The following LIN7A variants were observed in gnomAD, a reference collection of about 807,000 sequenced individuals.
The protein encoded by LIN7A is protein lin-7 homolog A.
In LIN7A, 25 loss-of-function variants were observed where a neutral mutation model predicts 29.8. That is an observed-to-expected ratio of 0.84 (90% CI 0.61 to 1.17). The LOEUF (loss-of-function observed/expected upper bound fraction) is 1.17. LIN7A is among the 50% of genes most tolerant of loss of function. LIN7A has a pLI of 0.00. For synonymous variants in LIN7A, 118 were observed against 107.5 expected, an observed-to-expected ratio of 1.10 and a Z score of -0.60; for missense variants, 239 against 287.0, an observed-to-expected ratio of 0.83 and a Z score of 1.21.
intron 2 of LIN7A, among the ~76,000 whole-genome samples, chr12:80,875,518 G>T (rs569576126): frequency 3.9e-5 from 6 of 152,222 alleles, no homozygotes; most frequent in African/African-American, 1.4e-4. Context: ...TGAAAATTTG[G>T]CTCTAATTAC....
chr12:80,801,897 C>CTTTT (rs538377751), intron 5 of LIN7A, among the ~76,000 whole-genome samples: 145 of 138,646 alleles, frequency 1.0e-3, no homozygotes, highest in African/African-American at 3.7e-3. Flanking sequence ...ATGAGTCTAA[C>CTTTT]TTTTTTTTTT....
At chr12:80,884,189 T>C (rs1399428971) in intron 2 of LIN7A, among the ~76,000 whole-genome samples, 1 of 152,182 alleles carries the variant, frequency 6.6e-6, no homozygotes, top group African/African-American at 2.4e-5. Context: ...TTTTCAAAGA[T>C]GTATCACAGT....
At chr12:80,839,533 T>G (rs1460542227) in intron 4 of LIN7A, among the ~76,000 whole-genome samples, 1 of 152,246 alleles carries the variant, frequency 6.6e-6, no homozygotes, top group East Asian at 1.9e-4. Flanking sequence ...ACTGCCATCA[T>G]TGGAACATGC....
In LIN7A at chr12:80,793,069, C is replaced by T. The variant is rs180787406; in HGVS notation, c.*4658G>A. ...CATTCATTTTAATGTAATGGTGTCC[C>T]CCAAACCACAGATAATGATTAGACA... On this transcript the variant is annotated 3_prime_UTR_variant, in exon 6 of 6. Transcript: ENST00000552864. The T allele has an allele frequency of 6.6e-4, 100 of 152,116 alleles. No homozygotes were observed. The highest frequency in any genetic ancestry group is 2.3e-3 in the African/African-American group (97 of 41,472). The allele number at this position is 152,116 out of a possible 1,614,324, so 9.4% of individuals were successfully genotyped here.
chr12:80,806,711 A>G (rs759670930), intron 5 of LIN7A, among the ~76,000 whole-genome samples: 10 of 152,370 alleles, frequency 6.6e-5, no homozygotes, highest in Admixed American at 2.6e-4. Flanking sequence ...CTCAGAAGCA[A>G]CTGTAGTAAG....
At chr12:80,880,748 AACGC>A (rs1370202910) in intron 2 of LIN7A, among the ~76,000 whole-genome samples, 2 of 121,808 alleles carry the variant, frequency 1.6e-5, no homozygotes, top group East Asian at 5.8e-4. Flanking sequence ...GGGAGGAGGC[AACGC>A]ACACACACAC....
At position 80,803,459 on chromosome 12, in the gene LIN7A, G is replaced by A. The variant is rs532798859; in HGVS notation, c.*1-5733C>T. On this transcript the variant is annotated intron_variant, in intron 5 of 5. Transcript: ENST00000552864. Reference sequence around the variant, plus strand: ...TGTAAATATGTGGATTTATTTCTGGGTTCTCTAGCTTGTTCCATTGGTCTA... The same window carrying A: ...TGTAAATATGTGGATTTATTTCTGGATTCTCTAGCTTGTTCCATTGGTCTA... Among the ~76,000 whole-genome samples, 12 of 152,230 alleles carry A rather than the reference G, an allele frequency of 7.9e-5. No individual in the cohort carries two copies. The South Asian group carries it at 8.3e-4, about 11-fold the overall frequency.
chr12:80,900,074 T>C (rs1876131762), intron 1 of LIN7A, among the ~76,000 whole-genome samples: 1 of 152,170 alleles, frequency 6.6e-6, no homozygotes, highest in South Asian at 2.1e-4. Flanking sequence ...CATAGTACTC[T>C]CTGACGGGTT....
intron 2 of LIN7A, among the ~76,000 whole-genome samples, chr12:80,849,947 C>G (rs538712273): frequency 6.9e-4 from 105 of 152,206 alleles, no homozygotes; most frequent in African/African-American, 2.5e-3. Context: ...GTTAACATTG[C>G]CAGGGAAAGT....
At chr12:80,823,104 A>G (rs1175376077) in intron 4 of LIN7A, among the ~76,000 whole-genome samples, 1 of 152,184 alleles carries the variant, frequency 6.6e-6, no homozygotes, top group African/African-American at 2.4e-5. Flanking sequence ...TCTGTTGCTC[A>G]ATAAAGCACC....
chr12:80,801,605 T>A (rs531839521), intron 5 of LIN7A, among the ~76,000 whole-genome samples: 1 of 152,382 alleles, frequency 6.6e-6, no homozygotes, highest in East Asian at 1.9e-4. Flanking sequence ...AATTGATGTT[T>A]TGATATGTTT....
chr12:80,845,581 T>C, intron 4 of LIN7A, 149 bp downstream of exon 4: 1 of 545,024 alleles, frequency 1.8e-6, no homozygotes, highest in East Asian at 3.2e-5. Flanking sequence ...GCAGCTTTTA[T>C]AGGTTTAATA....
chr12:80,853,330 T>C (rs986426500), intron 2 of LIN7A, among the ~76,000 whole-genome samples: 1 of 121,658 alleles, frequency 8.2e-6, no homozygotes, highest in African/African-American at 2.8e-5. Context: ...CCTAAAATAA[T>C]AGTTAAAAAA....
intron 4 of LIN7A, among the ~76,000 whole-genome samples, chr12:80,844,243 A>C (rs958403385): frequency 1.3e-5 from 2 of 152,166 alleles, no homozygotes; most frequent in African/African-American, 4.8e-5. Context: ...CTAAAGGTCA[A>C]TAAAAAGCTT....
chr12:80,870,930 A>G (rs931786540), intron 2 of LIN7A, among the ~76,000 whole-genome samples: 7 of 152,364 alleles, frequency 4.6e-5, no homozygotes, highest in African/African-American at 1.7e-4. Context: ...CATATTATTT[A>G]AACAGCAAAG....
chr12:80,869,726 A>G (rs1487375903), intron 2 of LIN7A, among the ~76,000 whole-genome samples: 1 of 151,434 alleles, frequency 6.6e-6, no homozygotes, highest in Non-Finnish European at 1.5e-5. Flanking sequence ...TAAAAGCATA[A>G]CTCAACCACA....
chr12:80,875,881 T>C (rs1448622338), intron 2 of LIN7A, among the ~76,000 whole-genome samples: 1 of 152,198 alleles, frequency 6.6e-6, no homozygotes, highest in Non-Finnish European at 1.5e-5. Context: ...CCACAAATTA[T>C]AGATTTGAAA....
chr12:80,928,907 T>G, intron 1 of LIN7A, among the ~76,000 whole-genome samples: 2 of 116,044 alleles, frequency 1.7e-5, no homozygotes, highest in African/African-American at 5.8e-5. Context: ...GTTTTAAAAC[T>G]TATTATTAAC....
intron 2 of LIN7A, among the ~76,000 whole-genome samples, chr12:80,866,319 T>TA (rs1356396615): frequency 2.0e-5 from 3 of 152,200 alleles, no homozygotes; most frequent in Non-Finnish European, 4.4e-5. Context: ...TTCAAACTGA[T>TA]CTCTAAGTAA....
Sources: allele counts gnomAD v4.1 joint callset (sites outside exome capture counted in the v4.1 genomes callset), GRCh38; gene constraint gnomAD v4.1.1; transcripts MANE v1.5; gene names NCBI Gene and HGNC (gene_info 2026-07-23, HGNC 2026-07-21).